MUC7: variants seen among roughly 807,000 people sequenced by gnomAD.
MUC7 encodes the protein mucin-7.
A neutral mutation model predicts 2.5 loss-of-function variants in MUC7; 2 were observed. The observed-to-expected ratio is 0.81, with a 90% CI of 0.33 to 2.55. The LOEUF (loss-of-function observed/expected upper bound fraction) is 2.55. MUC7 is among the 30% of genes most tolerant of loss of function. MUC7 has a pLI of 0.11. For synonymous variants in MUC7, 133 were observed against 173.4 expected, an observed-to-expected ratio of 0.77 and a Z score of 1.83; for missense variants, 408 against 455.6, an observed-to-expected ratio of 0.90 and a Z score of 0.95.
At chr4:70,437,041 C>A (rs192220702) in intron 1 of MUC7, among the ~76,000 whole-genome samples, 83 of 152,294 alleles carry the variant, frequency 5.4e-4, no homozygotes, top group African/African-American at 1.9e-3. Flanking sequence ...TGCAGAACAG[C>A]AAATATTGCT....
intron 1 of MUC7, among the ~76,000 whole-genome samples, chr4:70,438,022 T>C (rs972721809): frequency 1.5e-4 from 23 of 152,338 alleles, no homozygotes; most frequent in African/African-American, 5.5e-4. Context: ...TAACTAATAA[T>C]GCCTGTCCAG....
At chr4:70,477,628 T>C (rs1337887577) in intron 2 of MUC7, among the ~76,000 whole-genome samples, 2 of 152,138 alleles carry the variant, frequency 1.3e-5, no homozygotes, top group Non-Finnish European at 2.9e-5. Flanking sequence ...TTGTTCCTCA[T>C]GTCTTCTCCC....
chr4:70,432,671 A>T (rs2109784215), intron 1 of MUC7, among the ~76,000 whole-genome samples: 1 of 152,150 alleles, frequency 6.6e-6, no homozygotes, highest in South Asian at 2.1e-4. Flanking sequence ...ATTTTCTCCC[A>T]TTCTGCAGGT....
At chr4:70,450,865 T>C (rs1734262123) in intron 1 of MUC7, among the ~76,000 whole-genome samples, 1 of 152,004 alleles carries the variant, frequency 6.6e-6, no homozygotes. Flanking sequence ...TCTCCTTAAA[T>C]GGTAAGAAGG....
At chr4:70,447,403 A>G (rs1734172753) in intron 1 of MUC7, among the ~76,000 whole-genome samples, 1 of 152,148 alleles carries the variant, frequency 6.6e-6, no homozygotes, top group South Asian at 2.1e-4. Context: ...GGAAGGAGGT[A>G]GCTTTATATC....
chr4:70,433,664 C>T (rs1225611599), intron 1 of MUC7, among the ~76,000 whole-genome samples: 1 of 152,198 alleles, frequency 6.6e-6, no homozygotes, highest in Non-Finnish European at 1.5e-5. Context: ...ATCATGTCAT[C>T]TGCAAACAGG....
intron 1 of MUC7, among the ~76,000 whole-genome samples, chr4:70,438,598 G>A (rs1482702345): frequency 6.6e-6 from 1 of 151,860 alleles, no homozygotes; most frequent in Admixed American, 6.6e-5. Flanking sequence ...CTGGGACTAC[G>A]GGCATGCACC....
In MUC7 at chr4:70,481,465, C is replaced by A. The variant is rs373316502; in HGVS notation, c.721C>A (p.Pro241Thr). ...AGAGACCACAGCTGCCCCACCCACA[C>A]CTTCTGCAACTACACCAGCTCCACT... ...PPETTAAPPTPSATTPAPLSS... is the reference protein window; with the variant it reads ...PPETTAAPPTTSATTPAPLSS... The change falls in exon 3 of 3, where the codon CCT becomes ACT. Residue 241 changes from proline (P) to threonine (T), a missense_variant. Physicochemically the swap from Pro to Thr is conservative, Grantham distance 38. Transcript: ENST00000304887. 6 of 1,499,606 alleles carry A rather than the reference C, an allele frequency of 4.0e-6. 1 individual carries two copies. The African/African-American group carries it at 5.6e-5, about 14-fold the overall frequency. The allele number at this position is 1,499,606 out of a possible 1,614,324, so 92.9% of individuals were successfully genotyped here.
chr4:70,446,643 T>G (rs1252214276), intron 1 of MUC7, among the ~76,000 whole-genome samples: 3 of 152,218 alleles, frequency 2.0e-5, no homozygotes, highest in African/African-American at 4.8e-5. Flanking sequence ...TAAGGCCACA[T>G]TCTGAGGTCC....
chr4:70,432,230 C>A (rs547528569), intron 1 of MUC7, among the ~76,000 whole-genome samples: 1 of 151,920 alleles, frequency 6.6e-6, no homozygotes, highest in South Asian at 2.1e-4. Flanking sequence ...GTCTTTATAG[C>A]AGCATGATTT....
At chr4:70,467,951 C>A (rs1257477247), upstream of MUC7, among the ~76,000 whole-genome samples, 1 of 151,920 alleles carries the variant, frequency 6.6e-6, no homozygotes, top group Non-Finnish European at 1.5e-5. Context: ...GGGAGAGACA[C>A]AAGAAAAGAA....
Position 70,481,277 on chromosome 4 carries a change from C to G in MUC7, c.533C>G (p.Ala178Gly). The G allele has an allele frequency of 1.2e-6, 2 of 1,613,624 alleles. No individual in the cohort carries two copies. Among genetic ancestry groups the G allele is most frequent in the Non-Finnish European group, 1.7e-6 (2 of 1,179,846 alleles). The change falls in exon 3 of 3, where the codon GCT becomes GGT. Residue 178 changes from alanine to glycine, a missense_variant. Physicochemically the swap from Ala to Gly is moderately conservative, Grantham distance 60 (BLOSUM62 0). Around this residue, in one of 3 missense-constraint regions of MUC7, gnomAD observed 225 missense variants for 240.5 expected, o/e 0.94. Coordinates refer to ENST00000304887, the MANE Select transcript of MUC7 (RefSeq NM_152291.3). Reference protein sequence around the residue: ...APPTPSATTPAPPSSSAPPET... With the variant: ...APPTPSATTPGPPSSSAPPET... ...CCCACACCTTCTGCAACTACACCAG[C>G]TCCACCATCTTCCTCAGCTCCACCA...
intron 1 of MUC7, among the ~76,000 whole-genome samples, chr4:70,455,107 C>G (rs1166560630): frequency 2.0e-5 from 3 of 151,698 alleles, no homozygotes; most frequent in Admixed American, 2.0e-4. Context: ...TTCCAGTGAT[C>G]ATGATTTATG....
In MUC7 at chr4:70,460,637, TC is replaced by T. The variant is rs1734531796; in HGVS notation, c.-92-11577del. On this transcript the variant is annotated intron_variant, in intron 1 of 3. Transcript: ENST00000413702. ...TTGGTTTCCTTTGTCCTGGGGGCCATCTTTTTGATGTGCTGTGCCATCTTGC... is the reference window on the plus strand; with the variant it reads ...TTGGTTTCCTTTGTCCTGGGGGCCATTTTTTGATGTGCTGTGCCATCTTGC... Among the ~76,000 whole-genome samples, 10 of 152,038 alleles carry T rather than the reference TC, an allele frequency of 6.6e-5. No individual in the cohort carries two copies. The South Asian group carries it at 1.9e-3, about 29-fold the overall frequency.
exon 1 of MUC7, chr4:70,430,649 A>G (rs2109782365): frequency 6.6e-6 from 1 of 152,136 alleles, no homozygotes; most frequent in Non-Finnish European, 1.5e-5. Context: ...TCAACTGACA[A>G]GTAGTTTGAC....
chr4:70,474,286 T>A (rs1003487284), intron 2 of MUC7, among the ~76,000 whole-genome samples: 16 of 151,982 alleles, frequency 1.1e-4, no homozygotes, highest in Non-Finnish European at 2.2e-4. Flanking sequence ...GGAGGGAGGA[T>A]CACTTGAGCT....
In MUC7 at chr4:70,481,729, C is replaced by T. The variant is rs1735201163; in HGVS notation, c.985C>T (p.Pro329Ser). 2.5e-6 allele frequency: 4 copies of T among 1,614,192 alleles called. 1 individual carries two copies. The highest frequency in any genetic ancestry group is 8.5e-7 in the Non-Finnish European group (1 of 1,180,040). ...APDTSETSAAPTHQTTTSVTT... is the reference protein window; with the variant it reads ...APDTSETSAASTHQTTTSVTT... ...TGACACTTCTGAAACTTCAGCTGCA[C>T]CCACACACCAGACTACTACTTCGGT... Residue 329 changes from proline to serine, a missense_variant, in exon 3 of 3, where the codon CCC becomes TCC. By Grantham distance (74) the Pro-to-Ser change is moderately conservative (BLOSUM62 -1). Around this residue, in one of 3 missense-constraint regions of MUC7, gnomAD observed 175 missense variants for 187.1 expected, o/e 0.94. Coordinates refer to ENST00000304887, the MANE Select transcript of MUC7 (RefSeq NM_152291.3).
chr4:70,439,029 C>G (rs778822551), intron 1 of MUC7, among the ~76,000 whole-genome samples: 6 of 151,790 alleles, frequency 4.0e-5, no homozygotes, highest in Non-Finnish European at 7.4e-5. Flanking sequence ...AGAAGGGAGG[C>G]AAATCACAAG....
At chr4:70,430,717 C>A (rs1366325648) in intron 1 of MUC7, 1 of 152,068 alleles carries the variant, frequency 6.6e-6, no homozygotes, top group African/African-American at 2.4e-5. Flanking sequence ...CAAATTAAGA[C>A]TTTTGAATAG....
Sources: allele counts gnomAD v4.1 joint callset (sites outside exome capture counted in the v4.1 genomes callset), GRCh38; gene constraint gnomAD v4.1.1; regional missense constraint gnomAD v4.1.1; transcripts MANE v1.5; gene names NCBI Gene and HGNC (gene_info 2026-07-23, HGNC 2026-07-21).